Variants in HEMK2 observed in about 807,000 individuals in gnomAD.
The protein encoded by HEMK2 is HemK methyltransferase 2, ETF1 glutamine and histone H4 lysine.
chr21:28,867,787 G>A, the HEMK2 span, among the ~76,000 whole-genome samples: 4 of 152,144 alleles, frequency 2.6e-5, no homozygotes, highest in African/African-American at 4.8e-5. Flanking sequence ...AATGCCTTTT[G>A]ACGAACAAAA....
At chr21:28,579,925 T>C in the HEMK2 span, among the ~76,000 whole-genome samples, 247 of 152,288 alleles carry the variant, frequency 1.6e-3, 1 homozygote, top group African/African-American at 5.3e-3. Context: ...GCTTACATCA[T>C]GACTAAAAAT....
chr21:28,863,013 G>A, the HEMK2 span, among the ~76,000 whole-genome samples: 4 of 152,068 alleles, frequency 2.6e-5, no homozygotes, highest in African/African-American at 4.8e-5. Context: ...AGTTGACAAG[G>A]GGTGGATTTG....
the HEMK2 span, among the ~76,000 whole-genome samples, chr21:28,805,264 G>C: frequency 6.6e-6 from 1 of 152,144 alleles, no homozygotes; most frequent in South Asian, 2.1e-4. Flanking sequence ...AGTGGCTTCA[G>C]TTCCCCATCT....
chr21:28,841,835 C>G, the HEMK2 span, among the ~76,000 whole-genome samples: 1 of 152,004 alleles, frequency 6.6e-6, no homozygotes, highest in Non-Finnish European at 1.5e-5. Flanking sequence ...AACAAAAACC[C>G]TTAGACTCCT....
chr21:28,639,996 T>C, the HEMK2 span, among the ~76,000 whole-genome samples: 5 of 152,126 alleles, frequency 3.3e-5, no homozygotes, highest in African/African-American at 1.2e-4. Flanking sequence ...TGAGTTGTAA[T>C]CCTGGAGACA....
the HEMK2 span, among the ~76,000 whole-genome samples, chr21:28,646,273 T>C: frequency 6.6e-5 from 10 of 152,300 alleles, no homozygotes; most frequent in African/African-American, 9.6e-5. Flanking sequence ...GATGTCCTGA[T>C]AGATAACCCA....
chr21:28,613,449 T>TAAATA, the HEMK2 span, among the ~76,000 whole-genome samples: 2 of 151,756 alleles, frequency 1.3e-5, no homozygotes, highest in African/African-American at 4.8e-5. Flanking sequence ...AAAAATCAAT[T>TAAATA]AAATAAAATA....
the HEMK2 span, among the ~76,000 whole-genome samples, chr21:28,814,329 C>T: frequency 2.6e-5 from 4 of 150,982 alleles, no homozygotes; most frequent in South Asian, 8.4e-4. Flanking sequence ...GAGCAAGGGA[C>T]TTCATGTCTA....
chr21:28,810,374 T>A, the HEMK2 span, among the ~76,000 whole-genome samples: 1 of 152,168 alleles, frequency 6.6e-6, no homozygotes, highest in Non-Finnish European at 1.5e-5. Flanking sequence ...GAAGCTTTCA[T>A]TTACAGTCAA....
chr21:28,868,192 C>T, the HEMK2 span, among the ~76,000 whole-genome samples: 1 of 152,110 alleles, frequency 6.6e-6, no homozygotes, highest in Non-Finnish European at 1.5e-5. Flanking sequence ...ATCTGAGTAG[C>T]TCAAGCTCTC....
chr21:28,811,811 G>A, the HEMK2 span, among the ~76,000 whole-genome samples: 1 of 152,208 alleles, frequency 6.6e-6, no homozygotes, highest in Non-Finnish European at 1.5e-5. Context: ...GGAACGGTAA[G>A]ATGGAGCTTG....
the HEMK2 span, among the ~76,000 whole-genome samples, chr21:28,864,467 T>C: frequency 6.6e-6 from 1 of 152,212 alleles, no homozygotes; most frequent in Admixed American, 6.5e-5. Flanking sequence ...TCCTGAAAAC[T>C]TGTTGTCCCA....
the HEMK2 span, among the ~76,000 whole-genome samples, chr21:28,798,176 A>G: frequency 6.6e-6 from 1 of 152,156 alleles, no homozygotes; most frequent in African/African-American, 2.4e-5. Context: ...GAGTATAGAC[A>G]GGTTCCGAGT....
the HEMK2 span, among the ~76,000 whole-genome samples, chr21:28,699,665 T>C: frequency 6.6e-6 from 1 of 152,174 alleles, no homozygotes; most frequent in Admixed American, 6.5e-5. Flanking sequence ...CAAGAAGATA[T>C]AATCAATAAA....
At chr21:28,832,129 C>T in the HEMK2 span, among the ~76,000 whole-genome samples, 1 of 152,206 alleles carries the variant, frequency 6.6e-6, no homozygotes. Flanking sequence ...GAGCAGAGCC[C>T]AGACACCAGG....
At chr21:28,591,019 A>C in the HEMK2 span, among the ~76,000 whole-genome samples, 1 of 152,334 alleles carries the variant, frequency 6.6e-6, no homozygotes, top group South Asian at 2.1e-4. Flanking sequence ...ACATTTTGTT[A>C]CAGCACCTCC....
chr21:28,709,815 A>G, the HEMK2 span, among the ~76,000 whole-genome samples: 7 of 152,310 alleles, frequency 4.6e-5, no homozygotes, highest in East Asian at 1.4e-3. Flanking sequence ...CCTGAAAATA[A>G]AAGTCTGGGT....
At chr21:28,581,598 T>C in the HEMK2 span, among the ~76,000 whole-genome samples, 1 of 152,204 alleles carries the variant, frequency 6.6e-6, no homozygotes, top group African/African-American at 2.4e-5. Flanking sequence ...CTGTTCTTCC[T>C]GAGCAATTTC....
At chr21:28,740,600 A>C in the HEMK2 span, among the ~76,000 whole-genome samples, 220 of 152,364 alleles carry the variant, frequency 1.4e-3, no homozygotes, top group Non-Finnish European at 2.6e-3. Flanking sequence ...TTCATGCTAA[A>C]GTATTTCACA....
Sources: allele counts gnomAD v4.1 joint callset (sites outside exome capture counted in the v4.1 genomes callset), GRCh38; gene constraint gnomAD v4.1.1; transcripts MANE v1.5; gene names NCBI Gene and HGNC (gene_info 2026-07-23, HGNC 2026-07-21).